Variants in PPA2 observed in about 807,000 individuals in gnomAD.
The protein encoded by PPA2 is inorganic pyrophosphatase 2, mitochondrial.
A neutral mutation model predicts 49.5 loss-of-function variants in PPA2; 48 were observed. That is an observed-to-expected ratio of 0.97 (90% CI 0.77 to 1.23). PPA2 has a LOEUF of 1.23. PPA2 is among the 50% of genes most tolerant of loss of function. PPA2 has a pLI of 0.00. For missense variants in PPA2, 429 were observed against 410.1 expected (o/e 1.05, Z -0.40); for synonymous variants, 131 against 139.9 (o/e 0.94, Z 0.45).
chr4:105,437,706 C>T (rs1724130248), intron 6 of PPA2, among the ~76,000 whole-genome samples: 1 of 152,166 alleles, frequency 6.6e-6, no homozygotes, highest in African/African-American at 2.4e-5. Flanking sequence ...ACAGTATGTA[C>T]ATGAATGGGC....
At chr4:105,379,176 T>C (rs1041806695) in intron 10 of PPA2, among the ~76,000 whole-genome samples, 7 of 152,138 alleles carry the variant, frequency 4.6e-5, no homozygotes, top group African/African-American at 1.4e-4. Flanking sequence ...CTGATGTCTG[T>C]TGGCAATATT....
intron 7 of PPA2, among the ~76,000 whole-genome samples, chr4:105,418,707 G>A (rs1723118182): frequency 6.6e-6 from 1 of 152,120 alleles, no homozygotes; most frequent in Admixed American, 6.5e-5. Flanking sequence ...CAGCACAACA[G>A]ACAATAGTTT....
chr4:105,398,909 G>C (rs1734249346), intron 8 of PPA2, 128 bp downstream of exon 8: 2 of 798,058 alleles, frequency 2.5e-6, no homozygotes, highest in Admixed American at 7.2e-5. Flanking sequence ...TTTTAAATAT[G>C]TAAGTTAGTA....
chr4:105,402,161 A>G (rs529268141), intron 7 of PPA2, among the ~76,000 whole-genome samples: 28 of 152,200 alleles, frequency 1.8e-4, no homozygotes, highest in Admixed American at 5.2e-4. Flanking sequence ...AATCCCAGCT[A>G]CTTGGGAAGC....
At position 105,450,639 on chromosome 4, in the gene PPA2, G is replaced by A. The variant is rs529031838; in HGVS notation, c.268-1236C>T. ...TTTTTTTTTTTTGAGACGGAGTCTC[G>A]CTTTGTCGCCCAGGCTGGAGCGCAG... On this transcript the variant is annotated intron_variant, in intron 3 of 11. Coordinates refer to ENST00000341695, the MANE Select transcript of PPA2 (RefSeq NM_176869.3). Among the ~76,000 whole-genome samples, 80 of 105,700 alleles carry A rather than the reference G, an allele frequency of 7.6e-4. 1 individual carries two copies. In the South Asian group the frequency reaches 0.022, roughly 30 times the overall value. The allele number at this position is 105,700 out of a possible 152,430, so 69.3% of individuals were successfully genotyped here. A position where few individuals can be genotyped will look rare whatever the true frequency, so the allele number is the denominator to read the frequency against.
chr4:105,456,195 G>C (rs903893503), intron 2 of PPA2: 2 of 474,078 alleles, frequency 4.2e-6, no homozygotes, highest in Non-Finnish European at 4.1e-6. Context: ...AGTGGTTAAA[G>C]AGCATAAGCT....
At chr4:105,397,500 C>T (rs1734195582) in intron 8 of PPA2, among the ~76,000 whole-genome samples, 3 of 152,104 alleles carry the variant, frequency 2.0e-5, no homozygotes, top group Non-Finnish European at 2.9e-5. Context: ...AAGAAAGGAG[C>T]CATCTTTCCA....
At chr4:105,446,335 ATT>A in intron 5 of PPA2, 46 bp downstream of exon 5, 1 of 1,522,306 alleles carries the variant, frequency 6.6e-7, no homozygotes, top group South Asian at 1.3e-5. Flanking sequence ...TTATAAGGCA[ATT>A]TTTTCAGAAG....
chr4:105,451,513 T>C (rs905617688), intron 3 of PPA2, among the ~76,000 whole-genome samples: 6 of 152,212 alleles, frequency 3.9e-5, no homozygotes, highest in African/African-American at 1.2e-4. Flanking sequence ...TCTATGCTCT[T>C]TCATGAGGTA....
chr4:105,419,594 T>C (rs112434377), intron 7 of PPA2, among the ~76,000 whole-genome samples: 1,900 of 152,328 alleles, frequency 0.012, 31 homozygotes, highest in African/African-American at 0.034. Flanking sequence ...AGAAAAACTT[T>C]TTTTACTAAT....
At chr4:105,375,931 T>C (rs1440867726) in intron 10 of PPA2, among the ~76,000 whole-genome samples, 1 of 152,242 alleles carries the variant, frequency 6.6e-6, no homozygotes, top group Non-Finnish European at 1.5e-5. Flanking sequence ...TATTTTCTTA[T>C]TAAAATGCAG....
At chr4:105,393,215 C>T (rs60834172) in intron 9 of PPA2, among the ~76,000 whole-genome samples, 2,593 of 151,966 alleles carry the variant, frequency 0.017, 69 homozygotes, top group African/African-American at 0.056. Flanking sequence ...TTCTTAAGGC[C>T]GGGCGCAGTG....
intron 7 of PPA2, among the ~76,000 whole-genome samples, chr4:105,414,314 A>G (rs1488883832): frequency 6.6e-6 from 1 of 152,220 alleles, no homozygotes; most frequent in Non-Finnish European, 1.5e-5. Flanking sequence ...AGGATTCTTC[A>G]GCTGTCGCTT....
chr4:105,451,808 G>A (rs550287489), intron 3 of PPA2, among the ~76,000 whole-genome samples: 239 of 152,300 alleles, frequency 1.6e-3, no homozygotes, highest in African/African-American at 5.5e-3. Flanking sequence ...TCATTTGCTC[G>A]TAATCACTAA....
intron 7 of PPA2, among the ~76,000 whole-genome samples, chr4:105,400,566 G>A (rs947156071): frequency 3.3e-5 from 5 of 152,170 alleles, no homozygotes; most frequent in African/African-American, 9.7e-5. Context: ...CCAGGAGGTG[G>A]AGGCTGTAGT....
rs1445646163 is a variant in PPA2 at position 105,400,887 on chromosome 4, AATGG to A, written c.656-1727_656-1724del. 4.6e-5 allele frequency among the ~76,000 whole-genome samples: 7 copies of A among 152,314 alleles called. No individual in the cohort carries two copies. In the East Asian group the frequency reaches 1.4e-3, roughly 29 times the overall value. ...TTAGGAAAAAAACTGAAAATTTTAT[AATGG>A]AAATAAGAAGTATAACTCTCCAAAT... is the stretch of plus-strand genomic sequence containing the variant. On this transcript the variant is annotated intron_variant, in intron 7 of 11. Coordinates refer to ENST00000341695, the MANE Select transcript of PPA2 (RefSeq NM_176869.3).
chr4:105,393,497 TAA>T (rs1734009124), intron 9 of PPA2, among the ~76,000 whole-genome samples: 1 of 62,868 alleles, frequency 1.6e-5, no homozygotes, highest in African/African-American at 4.6e-5. Flanking sequence ...ATAATAATAA[TAA>T]TAATAATAAT....
rs189080531 is a variant in PPA2 at position 105,416,757 on chromosome 4, C to T, written c.655+7439G>A. On this transcript the variant is annotated intron_variant, in intron 7 of 11. Coordinates refer to ENST00000341695, the MANE Select transcript of PPA2 (RefSeq NM_176869.3). Reference sequence around the variant, plus strand: ...GTTTCCAAACTGTTCTGCATATCTACGTTTAACATTCATGGGCTAATGAAG... The same window carrying T: ...GTTTCCAAACTGTTCTGCATATCTATGTTTAACATTCATGGGCTAATGAAG... 3.2e-3 allele frequency among the ~76,000 whole-genome samples: 481 copies of T among 152,290 alleles called. 6 individuals carry two copies. Among genetic ancestry groups the T allele is most frequent in the Non-Finnish European group, 8.7e-4 (59 of 68,022 alleles).
intron 6 of PPA2, among the ~76,000 whole-genome samples, chr4:105,432,627 A>G (rs753972): frequency 0.6 from 91,961 of 152,086 alleles, 27,833 homozygotes; most frequent in East Asian, 0.68. Context: ...TGTCCAACCC[A>G]CGCGGCCTAC....
Sources: gnomAD v4.1 joint callset for allele counts (sites outside exome capture counted in the v4.1 genomes callset) on GRCh38, gnomAD v4.1.1 for gene constraint, MANE v1.5 for transcripts, NCBI Gene and HGNC (gene_info 2026-07-23, HGNC 2026-07-21) for gene names.